Variants in FGD6 observed in about 807,000 individuals in gnomAD.
The protein encoded by FGD6 is FYVE, RhoGEF and PH domain containing 6, also known as FYVE, RhoGEF and PH domain-containing protein 6.
A neutral mutation model predicts 149.4 loss-of-function variants in FGD6; 90 were observed. The observed-to-expected ratio is 0.60, with a 90% confidence interval of 0.51 to 0.72. The LOEUF is 0.72. Among genes scored for constraint, FGD6 ranks in the 30% least tolerant of loss-of-function variants. The pLI is 0.00. For synonymous variants in FGD6, 527 were observed against 584.0 expected (o/e 0.90, Z 1.41); for missense variants, 1,437 against 1,684.8 (o/e 0.85, Z 2.57).
rs754075354 is a variant in FGD6, at chr12:95,209,639, G to A, written c.1645C>T (p.Arg549Cys). Residue 549 changes from arginine to cysteine, a missense_variant, in exon 2 of 21, where the codon CGT becomes TGT. Coordinates refer to ENST00000343958, the MANE Select transcript of FGD6 (RefSeq NM_018351.4). Reference protein sequence around the residue: ...NHLQHLCAQNRGVSSSFDMPK... With the variant: ...NHLQHLCAQNCGVSSSFDMPK... ...ATATCAAAGGAGGATGACACACCAC[G>A]GTTTTGGGCACACAAATGCTGAAGG... 16 of 1,613,286 alleles carry A rather than the reference G, an allele frequency of 9.9e-6. No individual in the cohort carries two copies. Among genetic ancestry groups the A allele is most frequent in the Non-Finnish European group, 1.4e-5 (16 of 1,179,840 alleles).
chr12:95,159,175 T>G (rs4762241), intron 3 of FGD6, among the ~76,000 whole-genome samples: 110,778 of 151,942 alleles, frequency 0.73, 40,748 homozygotes, highest in Middle Eastern at 0.82. Flanking sequence ...TTTATCACTC[T>G]CCTTTTGTTA....
chr12:95,154,182 G>C lies in FGD6; in HGVS notation c.2587-1189C>G, dbSNP rs548242702. ...TCACCATGTTAGCCAGGATGGTCTC[G>C]ATCTCCTGACCTTGTGATCTGTCCA... On this transcript the variant is annotated intron_variant, in intron 3 of 20. Coordinates refer to ENST00000343958, the MANE Select transcript of FGD6 (RefSeq NM_018351.4). 8.5e-5 allele frequency among the ~76,000 whole-genome samples: 13 copies of C among 152,124 alleles called. No homozygotes were observed. In the South Asian group the frequency reaches 2.5e-3, roughly 29 times the overall value.
intron 3 of FGD6, among the ~76,000 whole-genome samples, chr12:95,164,380 T>C (rs1358451938): frequency 1.3e-5 from 2 of 152,016 alleles, no homozygotes; most frequent in African/African-American, 4.8e-5. Flanking sequence ...AAATTCTTAA[T>C]TGTGTTCTTA....
chr12:95,207,956 A>G (rs1247902707), intron 2 of FGD6, among the ~76,000 whole-genome samples: 6 of 152,310 alleles, frequency 3.9e-5, no homozygotes, highest in African/African-American at 1.4e-4. Context: ...TGCACACACA[A>G]AAGTGAGAAA....
intron 5 of FGD6, 111 bp downstream of exon 5, chr12:95,152,699 AC>A: frequency 1.1e-6 from 1 of 934,684 alleles, no homozygotes; most frequent in East Asian, 2.6e-5. Context: ...TGAAATACAT[AC>A]ATTTTAGAAA....
chr12:95,136,050 C>T (rs1270909382), intron 7 of FGD6, among the ~76,000 whole-genome samples: 1 of 152,054 alleles, frequency 6.6e-6, no homozygotes, highest in Admixed American at 6.6e-5. Flanking sequence ...ATCAGCAATA[C>T]CATACTATTT....
intron 3 of FGD6, among the ~76,000 whole-genome samples, chr12:95,157,324 T>C (rs899943863): frequency 6.6e-6 from 1 of 152,128 alleles, no homozygotes; most frequent in South Asian, 2.1e-4. Context: ...CCCAGCACTT[T>C]GGGAGGCTGA....
chr12:95,168,178 CT>C (rs1880880503), intron 3 of FGD6, among the ~76,000 whole-genome samples: 1 of 152,076 alleles, frequency 6.6e-6, no homozygotes, highest in African/African-American at 2.4e-5. Flanking sequence ...AAATCTAAGA[CT>C]AAAACCCAGG....
At chr12:95,159,744 G>A (rs1880582132) in intron 3 of FGD6, among the ~76,000 whole-genome samples, 3 of 152,156 alleles carry the variant, frequency 2.0e-5, no homozygotes, top group Admixed American at 2.0e-4. Context: ...TGAGGTAAGA[G>A]GATCACTGAA....
chr12:95,145,720 C>T lies in FGD6; in HGVS notation c.2686-4181G>A, dbSNP rs368486908. 1.4e-4 allele frequency among the ~76,000 whole-genome samples: 21 copies of T among 152,224 alleles called. No homozygotes were observed. The East Asian group carries it at 1.5e-3, about 11-fold the overall frequency. On this transcript the variant is annotated intron_variant, in intron 5 of 20. Transcript: ENST00000343958. ...TGAGATGGAGTTTTGCTCTGTCGTC[C>T]AGGCTGGAGTGTGGTACGATCTCGG...
At chr12:95,153,068 A>G in intron 3 of FGD6, 75 bp from the exon 4 acceptor site, 1 of 1,306,152 alleles carries the variant, frequency 7.7e-7, no homozygotes, top group Non-Finnish European at 1.1e-6. Flanking sequence ...TCAGACACGA[A>G]TTTTAACTCT....
At chr12:95,121,008 G>A (rs1476089254) in intron 8 of FGD6, among the ~76,000 whole-genome samples, 3 of 151,970 alleles carry the variant, frequency 2.0e-5, no homozygotes, top group Non-Finnish European at 4.4e-5. Context: ...AAATTTCCTA[G>A]AGGTATATTT....
At position 95,078,827 on chromosome 12, in the gene FGD6, A is replaced by G. The variant is rs1385755780; in HGVS notation, c.*2693T>C. The G allele has an allele frequency of 6.6e-6, 1 of 152,158 alleles. No individual in the cohort carries two copies. The allele number at this position is 152,158 out of a possible 1,614,324, so 9.4% of individuals were successfully genotyped here. On this transcript the variant is annotated 3_prime_UTR_variant, in exon 21 of 21. Coordinates refer to ENST00000343958, the MANE Select transcript of FGD6 (RefSeq NM_018351.4). ...CCTGGTTCAGCCTGGCGTCTCATCT[A>G]CGTTATGCTTAGCATCATTTTTAGC...
In FGD6 at chr12:95,141,527, C is replaced by T. The variant is rs1276600884; in HGVS notation, c.2698G>A (p.Ala900Thr). The change falls in exon 6 of 21, where the codon GCA becomes ACA. Residue 900 changes from alanine to threonine, a missense_variant. Ala to Thr is a moderately conservative substitution (Grantham distance 58, BLOSUM62 0). Around this residue, in one of 2 missense-constraint regions of FGD6, gnomAD observed 1,055 missense variants for 1,146.0 expected, o/e 0.92. Transcript: ENST00000343958. ...LKLLHIDFRD[A>T]VAHASRQLGK... ...AGTTGCCTGGAAGCATGAGCTACTG[C>T]ATCCCGGAAATCCTATTACAGTCCA... 1 of 1,613,996 alleles carries T rather than the reference C, an allele frequency of 6.2e-7. No individual in the cohort carries two copies. The highest frequency in any genetic ancestry group is 8.5e-7 in the Non-Finnish European group (1 of 1,180,014).
Position 95,105,079 on chromosome 12 carries a change from T to C in FGD6, c.3425A>G (p.Lys1142Arg), listed in dbSNP as rs147800597. ...ATTCTGATAGGCTTCTTGGGTAGGT[T>C]TTCTGACCTGGAAGAAAGCACAACA... ...MLSLAGMKVR[K>R]PTQEAYQNEL... The change falls in exon 14 of 21, where the codon AAA becomes AGA. Residue 1142 changes from lysine to arginine, a missense_variant. Physicochemically the swap from Lys to Arg is conservative, Grantham distance 26. Around this residue, in one of 2 missense-constraint regions of FGD6, gnomAD observed 382 missense variants for 538.7 expected, o/e 0.71. Coordinates refer to ENST00000343958, the MANE Select transcript of FGD6 (RefSeq NM_018351.4). 9.9e-6 allele frequency: 16 copies of C among 1,609,746 alleles called. No homozygotes were observed. Among genetic ancestry groups the C allele is most frequent in the Admixed American group, 1.7e-5 (1 of 58,852 alleles).
chr12:95,141,331 T>C (rs1879835578), intron 6 of FGD6, 57 bp downstream of exon 6: 3 of 1,580,424 alleles, frequency 1.9e-6, no homozygotes, highest in Non-Finnish European at 1.7e-6. Flanking sequence ...GTGGGGCCCT[T>C]ATGGCTTCAT....
chr12:95,187,461 T>A (rs914329180), intron 2 of FGD6, among the ~76,000 whole-genome samples: 1 of 151,420 alleles, frequency 6.6e-6, no homozygotes, highest in Non-Finnish European at 1.5e-5. Flanking sequence ...GAGACCAGCA[T>A]GGCCAATATG....
chr12:95,126,539 G>A (rs1879343995), intron 8 of FGD6: 1 of 440,372 alleles, frequency 2.3e-6, no homozygotes, highest in African/African-American at 2.1e-5. Context: ...GAACAGCCTG[G>A]CCAATATGGT....
At chr12:95,129,024 C>G (rs1831896986) in intron 8 of FGD6, among the ~76,000 whole-genome samples, 1 of 152,054 alleles carries the variant, frequency 6.6e-6, no homozygotes, top group African/African-American at 2.4e-5. Flanking sequence ...CTGTGCTAGG[C>G]TACATGGAGG....
Sources: allele counts gnomAD v4.1 joint callset (sites outside exome capture counted in the v4.1 genomes callset), GRCh38; gene constraint gnomAD v4.1.1; regional missense constraint gnomAD v4.1.1; transcripts MANE v1.5; gene names NCBI Gene and HGNC (gene_info 2026-07-23, HGNC 2026-07-21).